HS3ST5: variants seen among roughly 807,000 people sequenced by gnomAD.
HS3ST5 encodes heparan sulfate glucosamine 3-O-sulfotransferase 5.
A neutral mutation model predicts 25.4 loss-of-function variants in HS3ST5; 10 were observed. The ratio of observed to expected loss-of-function variants is 0.39; its 90% CI spans 0.24 to 0.67. The LOEUF (loss-of-function observed/expected upper bound fraction) is 0.67. Among genes scored for constraint, HS3ST5 ranks in the 30% least tolerant of loss-of-function variants. The pLI is 0.44. For synonymous variants in HS3ST5, 170 were observed against 162.4 expected, an observed-to-expected ratio of 1.05 and a Z score of -0.36; for missense variants, 324 against 420.7, an observed-to-expected ratio of 0.77 and a Z score of 2.01.
chr6:114,299,028 C>T (rs910944317), intron 1 of HS3ST5, among the ~76,000 whole-genome samples: 1 of 152,122 alleles, frequency 6.6e-6, no homozygotes, highest in African/African-American at 2.4e-5. Context: ...AAATTCTGAC[C>T]GCTGGTGAGC....
intron 3 of HS3ST5, among the ~76,000 whole-genome samples, chr6:114,117,555 C>T (rs1205357000): frequency 2.0e-5 from 3 of 152,104 alleles, no homozygotes; most frequent in Non-Finnish European, 4.4e-5. Flanking sequence ...AAATGCTAAA[C>T]AAGTATGCTA....
chr6:114,265,503 T>C (rs543429167), intron 1 of HS3ST5, among the ~76,000 whole-genome samples: 83 of 152,178 alleles, frequency 5.5e-4, no homozygotes, highest in African/African-American at 2.0e-3. Flanking sequence ...TGGGTCAAGT[T>C]TGAAGATAGA....
intron 3 of HS3ST5, among the ~76,000 whole-genome samples, chr6:114,137,127 G>A (rs1007205040): frequency 8.6e-5 from 13 of 151,816 alleles, no homozygotes; most frequent in African/African-American, 3.2e-4. Flanking sequence ...CTGGATAATG[G>A]CAGTATCCAA....
chr6:114,210,219 T>G (rs1224304605), intron 2 of HS3ST5, among the ~76,000 whole-genome samples: 1 of 152,202 alleles, frequency 6.6e-6, no homozygotes, highest in African/African-American at 2.4e-5. Context: ...ATTTTGTAGC[T>G]CCATTCATCT....
At chr6:114,129,251 C>CTTTTTTTTT (rs398048772) in intron 3 of HS3ST5, among the ~76,000 whole-genome samples, 3 of 98,020 alleles carry the variant, frequency 3.1e-5, no homozygotes, top group Non-Finnish European at 5.8e-5. Context: ...CAACAAGAAC[C>CTTTTTTTTT]TTTTTTTTTT....
At chr6:114,237,258 C>A (rs1251653708) in intron 1 of HS3ST5, among the ~76,000 whole-genome samples, 2 of 151,374 alleles carry the variant, frequency 1.3e-5, no homozygotes, top group Non-Finnish European at 2.9e-5. Flanking sequence ...AGTTAAGAAA[C>A]AGAATTCTTC....
chr6:114,156,521 T>C (rs1174584348), intron 3 of HS3ST5, among the ~76,000 whole-genome samples: 1 of 152,250 alleles, frequency 6.6e-6, no homozygotes, highest in African/African-American at 2.4e-5. Context: ...TAGTGTGCTA[T>C]TGAAGAATCA....
At chr6:114,318,700 G>A (rs1163189609) in intron 1 of HS3ST5, among the ~76,000 whole-genome samples, 1 of 152,022 alleles carries the variant, frequency 6.6e-6, no homozygotes, top group East Asian at 1.9e-4. Context: ...AGCAGACTTG[G>A]GTTCAAATGC....
chr6:114,184,057 T>TC (rs1780092423), intron 2 of HS3ST5, among the ~76,000 whole-genome samples: 1 of 119,092 alleles, frequency 8.4e-6, no homozygotes, highest in Non-Finnish European at 1.7e-5. Flanking sequence ...TTCCTTTCTT[T>TC]TTTTTTTTTT....
At chr6:114,256,102 AC>A (rs1275938189) in intron 1 of HS3ST5, among the ~76,000 whole-genome samples, 2 of 152,132 alleles carry the variant, frequency 1.3e-5, no homozygotes, top group Non-Finnish European at 2.9e-5. Flanking sequence ...AAAATATTTC[AC>A]AGTGGCCAGG....
intron 1 of HS3ST5, chr6:114,281,858 T>A (rs1023403408): frequency 6.6e-6 from 1 of 151,910 alleles, no homozygotes; most frequent in Non-Finnish European, 1.5e-5. Context: ...GCAGAAGACA[T>A]TGGGAGACGG....
At chr6:114,281,269 T>C (rs1445012501) in intron 1 of HS3ST5, among the ~76,000 whole-genome samples, 1 of 151,994 alleles carries the variant, frequency 6.6e-6, no homozygotes, top group Non-Finnish European at 1.5e-5. Flanking sequence ...AAATAACTGA[T>C]TTTAAATGAG....
chr6:114,261,633 C>A (rs1274933079), intron 1 of HS3ST5, among the ~76,000 whole-genome samples: 2 of 152,138 alleles, frequency 1.3e-5, no homozygotes, highest in Non-Finnish European at 2.9e-5. Flanking sequence ...CCATGTCTTA[C>A]TTAACAATAA....
intron 3 of HS3ST5, among the ~76,000 whole-genome samples, chr6:114,159,097 T>C (rs1022660884): frequency 6.6e-6 from 1 of 152,226 alleles, no homozygotes; most frequent in African/African-American, 2.4e-5. Flanking sequence ...ATTTACCCAA[T>C]TCTTCCCAGT....
rs1491384646 is a variant in HS3ST5, at chr6:114,093,351, GTT to G, written c.-32-30476_-32-30475del. ...GACCTTGTATCTTTTTTGTTTGTTT[GTT>G]TGTGTGTGTGTGTGTGTGTGTGTGT... On this transcript the variant is annotated intron_variant, in intron 3 of 4. Coordinates refer to ENST00000312719, the MANE Select transcript of HS3ST5 (RefSeq NM_153612.4). Among the ~76,000 whole-genome samples the G allele has an allele frequency of 6.2e-3, 507 of 81,632 alleles. 6 individuals are homozygous for G. Among genetic ancestry groups the G allele is most frequent in the African/African-American group, 0.021 (449 of 21,368 alleles). The allele number at this position is 81,632 out of a possible 152,430, so 53.6% of individuals were successfully genotyped here.
chr6:114,123,082 T>C (rs1014864617), intron 3 of HS3ST5, among the ~76,000 whole-genome samples: 2 of 152,118 alleles, frequency 1.3e-5, no homozygotes, highest in Non-Finnish European at 2.9e-5. Context: ...CCTTTCCGAG[T>C]AGCTGGGATT....
intron 3 of HS3ST5, among the ~76,000 whole-genome samples, chr6:114,080,689 C>G (rs1373540500): frequency 6.6e-6 from 1 of 152,156 alleles, no homozygotes; most frequent in Non-Finnish European, 1.5e-5. Flanking sequence ...GAATAGAAAA[C>G]CAAATACCGC....
intron 3 of HS3ST5, among the ~76,000 whole-genome samples, chr6:114,108,204 A>G (rs948980336): frequency 6.6e-6 from 1 of 152,180 alleles, no homozygotes; most frequent in African/African-American, 2.4e-5. Flanking sequence ...ACCAGGGGTA[A>G]AGAGAACTCT....
At chr6:114,080,522 A>G (rs1433233344) in intron 3 of HS3ST5, among the ~76,000 whole-genome samples, 2 of 152,256 alleles carry the variant, frequency 1.3e-5, no homozygotes, top group Non-Finnish European at 2.9e-5. Flanking sequence ...TAGCAAAGAC[A>G]TGGAATCAAC....
Sources: allele counts gnomAD v4.1 joint callset (sites outside exome capture counted in the v4.1 genomes callset), GRCh38; gene constraint gnomAD v4.1.1; transcripts MANE v1.5; gene names NCBI Gene and HGNC (gene_info 2026-07-23, HGNC 2026-07-21).